The following CNTNAP5 variants were observed in gnomAD, a reference collection of about 807,000 sequenced individuals.
CNTNAP5 encodes the protein contactin associated protein family member 5.
Under a neutral mutation model 150.2 loss-of-function variants are expected in CNTNAP5, and 72 were observed. The observed-to-expected ratio is 0.48, with a 90% CI of 0.40 to 0.58. The LOEUF (loss-of-function observed/expected upper bound fraction) is 0.58, where lower values mean the gene tolerates loss of function less well. Ranked by LOEUF, CNTNAP5 falls within the 20% of genes least tolerant of loss-of-function variation. CNTNAP5 has a pLI of 0.00. For synonymous variants in CNTNAP5, 672 were observed against 619.8 expected, an observed-to-expected ratio of 1.08 and a Z score of -1.25; for missense variants, 1,636 against 1,626.2, an observed-to-expected ratio of 1.01 and a Z score of -0.10.
intron 10 of CNTNAP5, among the ~76,000 whole-genome samples, chr2:124,559,976 C>A (rs1305741059): frequency 6.6e-6 from 1 of 151,912 alleles, no homozygotes; most frequent in Admixed American, 6.6e-5. Context: ...ACTCTTTTAC[C>A]CTTCCAGGAA....
At chr2:124,502,378 T>C (rs1169511225) in intron 7 of CNTNAP5, among the ~76,000 whole-genome samples, 2 of 152,172 alleles carry the variant, frequency 1.3e-5, no homozygotes, top group Admixed American at 6.5e-5. Flanking sequence ...CTTCCATGGC[T>C]GTGATCCAGA....
chr2:124,547,304 G>A (rs1199492207), intron 10 of CNTNAP5, among the ~76,000 whole-genome samples: 2 of 152,084 alleles, frequency 1.3e-5, no homozygotes, highest in Non-Finnish European at 2.9e-5. Context: ...GGAGTGACCT[G>A]AGCCATCTAA....
Position 124,446,897 on chromosome 2 carries a change from G to A in CNTNAP5, c.878G>A (p.Arg293His), listed in dbSNP as rs201163242. 149 of 1,613,718 alleles carry A rather than the reference G, an allele frequency of 9.2e-5. No homozygotes were observed. The highest frequency in any genetic ancestry group is 1.1e-4 in the Non-Finnish European group (130 of 1,179,814). The change falls in exon 6 of 24, where the codon CGC becomes CAC. Residue 293 changes from arginine (R) to histidine (H), a missense_variant. Physicochemically the swap from Arg to His is conservative, Grantham distance 29 (BLOSUM62 0). Coordinates refer to ENST00000682447, the MANE Select transcript of CNTNAP5 (RefSeq NM_001367498.1). ...FTVDKHTQHF[R>H]TKGETDALDI... ...GTGGACAAGCACACACAGCACTTCC[G>A]CACCAAGGGCGAGACGGATGCCTTA...
intron 12 of CNTNAP5, among the ~76,000 whole-genome samples, chr2:124,616,816 G>C (rs142717003): frequency 0.011 from 1,615 of 152,190 alleles, 8 homozygotes; most frequent in Middle Eastern, 0.051. Flanking sequence ...GAGTAGGGAG[G>C]CCTAAGGAGA....
intron 1 of CNTNAP5, among the ~76,000 whole-genome samples, chr2:124,181,533 C>T (rs562166221): frequency 6.6e-6 from 1 of 151,826 alleles, no homozygotes; most frequent in Non-Finnish European, 1.5e-5. Flanking sequence ...TATTCTATAT[C>T]TAATGAAACT....
chr2:124,050,824 T>C (rs1681676646), intron 1 of CNTNAP5, among the ~76,000 whole-genome samples: 1 of 152,224 alleles, frequency 6.6e-6, no homozygotes, highest in African/African-American at 2.4e-5. Flanking sequence ...GATTGCACTT[T>C]GCATACTCTG....
At chr2:124,352,825 C>A (rs1689905849) in intron 3 of CNTNAP5, among the ~76,000 whole-genome samples, 1 of 152,150 alleles carries the variant, frequency 6.6e-6, no homozygotes, top group African/African-American at 2.4e-5. Context: ...AGCAAGATAA[C>A]TGGAAGCTGA....
intron 1 of CNTNAP5, among the ~76,000 whole-genome samples, chr2:124,211,015 C>A (rs1450241170): frequency 6.6e-6 from 1 of 152,048 alleles, no homozygotes; most frequent in East Asian, 1.9e-4. Context: ...TACATGATGC[C>A]TGGGACACTG....
chr2:124,485,603 ACT>A (rs1481983909), intron 7 of CNTNAP5, among the ~76,000 whole-genome samples: 2 of 112,856 alleles, frequency 1.8e-5, no homozygotes, highest in Non-Finnish European at 3.5e-5. Context: ...ACACAGAAAG[ACT>A]CTGTCTCAAA....
At chr2:124,120,938 A>G (rs1683545083) in intron 1 of CNTNAP5, among the ~76,000 whole-genome samples, 1 of 151,952 alleles carries the variant, frequency 6.6e-6, no homozygotes, top group Admixed American at 6.6e-5. Context: ...TGTTGGATCT[A>G]TTTTTTTGAT....
At chr2:124,208,398 A>G (rs1685917989) in intron 1 of CNTNAP5, among the ~76,000 whole-genome samples, 3 of 152,194 alleles carry the variant, frequency 2.0e-5, no homozygotes, top group African/African-American at 7.2e-5. Context: ...ACTCTCAATA[A>G]TTTATACTTA....
At chr2:124,263,220 C>A (rs1042770090) in intron 3 of CNTNAP5, among the ~76,000 whole-genome samples, 1 of 152,164 alleles carries the variant, frequency 6.6e-6, no homozygotes, top group African/African-American at 2.4e-5. Context: ...TGAGGAATCG[C>A]CACACTGTCT....
intron 6 of CNTNAP5, among the ~76,000 whole-genome samples, chr2:124,470,201 A>G (rs147114439): frequency 6.6e-6 from 1 of 152,252 alleles, no homozygotes; most frequent in Non-Finnish European, 1.5e-5. Context: ...ATAGCGTAAA[A>G]GTGTTTCTTT....
At chr2:124,312,205 G>A (rs894999503) in intron 3 of CNTNAP5, among the ~76,000 whole-genome samples, 1 of 152,192 alleles carries the variant, frequency 6.6e-6, no homozygotes, top group East Asian at 1.9e-4. Flanking sequence ...GTCCTTCAAG[G>A]CATTAAGTGT....
At chr2:124,239,172 T>A (rs1686823089) in intron 2 of CNTNAP5, among the ~76,000 whole-genome samples, 1 of 150,360 alleles carries the variant, frequency 6.7e-6, no homozygotes. Flanking sequence ...GAAACTTTAA[T>A]GCTAAATCAT....
intron 13 of CNTNAP5, among the ~76,000 whole-genome samples, chr2:124,669,560 T>A (rs527313980): frequency 2.0e-5 from 3 of 152,306 alleles, no homozygotes; most frequent in Admixed American, 6.5e-5. Flanking sequence ...TGCTGGAGAA[T>A]CTCAAATTTA....
chr2:124,400,224 A>G (rs1345092779), intron 3 of CNTNAP5, among the ~76,000 whole-genome samples: 1 of 152,034 alleles, frequency 6.6e-6, no homozygotes, highest in African/African-American at 2.4e-5. Flanking sequence ...TGCTCTCATG[A>G]AGCTTAGAGT....
chr2:124,450,828 C>A (rs1219754780), intron 6 of CNTNAP5, among the ~76,000 whole-genome samples: 1 of 150,892 alleles, frequency 6.6e-6, no homozygotes, highest in Non-Finnish European at 1.5e-5. Flanking sequence ...TTTTACATAG[C>A]TATTTTGTAA....
At chr2:124,532,079 GT>G (rs1310040127) in intron 10 of CNTNAP5, among the ~76,000 whole-genome samples, 1 of 152,154 alleles carries the variant, frequency 6.6e-6, no homozygotes, top group Admixed American at 6.6e-5. Flanking sequence ...GGGTTCTAGT[GT>G]GTCCAGTGTA....
Sources: gnomAD v4.1 joint callset for allele counts (sites outside exome capture counted in the v4.1 genomes callset) on GRCh38, gnomAD v4.1.1 for gene constraint, MANE v1.5 for transcripts, NCBI Gene and HGNC (gene_info 2026-07-23, HGNC 2026-07-21) for gene names.